Variants in ALPK2 observed in about 807,000 individuals in gnomAD.
ALPK2 encodes the protein alpha-protein kinase 2.
In ALPK2, 127 loss-of-function variants were observed where a neutral mutation model predicts 163.1. That is an observed-to-expected ratio of 0.78 (90% CI 0.67 to 0.90). ALPK2 has a LOEUF of 0.90. ALPK2 is among the 40% of genes least tolerant of loss of function. The pLI is 0.00. For synonymous variants in ALPK2, 953 were observed against 959.1 expected (o/e 0.99, Z 0.12); for missense variants, 2,360 against 2,589.6 (o/e 0.91, Z 1.92).
At chr18:58,502,231 C>T (rs1012751765) in intron 11 of ALPK2, among the ~76,000 whole-genome samples, 4 of 151,654 alleles carry the variant, frequency 2.6e-5, no homozygotes, top group South Asian at 2.1e-4. Flanking sequence ...GGCATACTCC[C>T]GTAGTCCCAG....
At chr18:58,538,393 G>T in intron 4 of ALPK2, 169 bp from the exon 5 acceptor site, 28 of 650,434 alleles carry the variant, frequency 4.3e-5, no homozygotes, top group Admixed American at 7.1e-5. Flanking sequence ...AGATTTCCTA[G>T]AAAACTGCAA....
Position 58,498,097 on chromosome 18 carries a change from C to A in ALPK2, c.6248G>T (p.Gly2083Val). ...SGCLLVTDMQGVGMKLTDVGI... is the reference protein window; with the variant it reads ...SGCLLVTDMQVVGMKLTDVGI... ...AACGTCAGTTAGCTTCATTCCTACA[C>A]CTACAGGAAGAGAAAGCAAAGATGG... Residue 2083 changes from glycine (G) to valine (V), a missense_variant and splice_region_variant, in exon 12 of 13, where the codon GGT becomes GTT. Gly to Val is a moderately radical substitution (Grantham distance 109). Transcript: ENST00000361673. 1 of 1,614,114 alleles carries A rather than the reference C, an allele frequency of 6.2e-7. No homozygotes were observed. The highest frequency in any genetic ancestry group is 1.7e-5 in the Admixed American group (1 of 60,020).
chr18:58,613,252 A>G (rs1048517101), intron 1 of ALPK2, among the ~76,000 whole-genome samples: 7 of 152,306 alleles, frequency 4.6e-5, no homozygotes, highest in African/African-American at 1.7e-4. Flanking sequence ...AAGGAACCTG[A>G]GTTCAGGGCC....
intron 1 of ALPK2, among the ~76,000 whole-genome samples, chr18:58,627,657 A>T (rs371704155): frequency 6.6e-6 from 1 of 152,122 alleles, no homozygotes; most frequent in Non-Finnish European, 1.5e-5. Flanking sequence ...AAACAAAACA[A>T]AAAAAGGACA....
In ALPK2 at chr18:58,534,848, T is replaced by G; in HGVS notation, c.5339A>C (p.Lys1780Thr). The change falls in exon 5 of 13, where the codon AAA becomes ACA. Residue 1780 changes from lysine (K) to threonine (T), a missense_variant. Lys to Thr is a moderately conservative substitution (Grantham distance 78). Transcript: ENST00000361673. ...EKQDPKKPSC[K>T]REGRAPVLLK... ...CAGAACCTCACCTCTTCCTTCTCTT[T>G]TGCAAGATGGCTTTTTTGGGTCTTG... The G allele has an allele frequency of 6.2e-7, 1 of 1,609,020 alleles. No individual in the cohort carries two copies. The highest frequency in any genetic ancestry group is 8.5e-7 in the Non-Finnish European group (1 of 1,178,206).
At position 58,579,000 on chromosome 18, in the gene ALPK2, A is replaced by G. The variant is rs1391442428; in HGVS notation, c.1776T>C (p.Gly592=). 1.9e-6 allele frequency: 3 copies of G among 1,614,178 alleles called. No individual in the cohort carries two copies. The Admixed American group carries it at 5.0e-5, about 27-fold the overall frequency. The change falls in exon 4 of 13, where the codon GGT becomes GGC. Residue 592 remains glycine, a synonymous_variant. Coordinates refer to ENST00000361673, the MANE Select transcript of ALPK2 (RefSeq NM_052947.4). The part of the protein sequence containing the change: ...ETSHTTAAAT[G]RSSHADAREC... Reference sequence around the variant, plus strand: ...CTCTTGCATCAGCATGGGAACTCCGACCAGTCGCTGCTGCTGTGGTGTGAG... The same window carrying G: ...CTCTTGCATCAGCATGGGAACTCCGGCCAGTCGCTGCTGCTGTGGTGTGAG...
At chr18:58,594,014 T>G (rs1353934732) in intron 3 of ALPK2, among the ~76,000 whole-genome samples, 5 of 151,632 alleles carry the variant, frequency 3.3e-5, no homozygotes, top group Non-Finnish European at 7.4e-5. Context: ...AGTTTTTTTT[T>G]TAAGGTTTCT....
rs149563245 is a variant in ALPK2, at chr18:58,576,410, G to C, written c.1962+2404C>G. On this transcript the variant is annotated intron_variant, in intron 4 of 12. Coordinates refer to ENST00000361673, the MANE Select transcript of ALPK2 (RefSeq NM_052947.4). ...AGGAAAAAGAGTGGGCAAATTTATT[G>C]CTATGACTACCAACCCAGGATTTTA... Among the ~76,000 whole-genome samples, 365 of 152,258 alleles carry C rather than the reference G, an allele frequency of 2.4e-3. 3 individuals are homozygous for C. The highest frequency in any genetic ancestry group is 8.4e-3 in the African/African-American group (348 of 41,552).
In ALPK2 at chr18:58,527,968, C is replaced by T. The variant is rs1004914661; in HGVS notation, c.5501+1123G>A. Among the ~76,000 whole-genome samples, 6 of 152,166 alleles carry T rather than the reference C, an allele frequency of 3.9e-5. No homozygotes were observed. In the East Asian group the frequency reaches 9.6e-4, roughly 24 times the overall value. ...CAGATTTTCTCACTTTTTCAGTCTACTGGTGACAAAATTAAGGGGATTGGA... is the reference window on the plus strand; with the variant it reads ...CAGATTTTCTCACTTTTTCAGTCTATTGGTGACAAAATTAAGGGGATTGGA... On this transcript the variant is annotated intron_variant, in intron 6 of 12. Transcript: ENST00000361673.
chr18:58,500,724 G>A, intron 11 of ALPK2, among the ~76,000 whole-genome samples: 1 of 150,900 alleles, frequency 6.6e-6, no homozygotes, highest in East Asian at 1.9e-4. Context: ...CAGGAGTTCA[G>A]ACCAGCCTGG....
Position 58,517,112 on chromosome 18 carries a change from G to T in ALPK2, c.5736C>A (p.Gly1912=). Reference sequence around the variant, plus strand: ...CCGTGGCGATCTGACCACGCAGGCGGCCCCCAAAGTAGCTGTCATGGAGGA... The same window carrying T: ...CCGTGGCGATCTGACCACGCAGGCGTCCCCCAAAGTAGCTGTCATGGAGGA... ...EDFLHDSYFG[G]RLRGQIATEE... The change falls in exon 9 of 13, where the codon GGC becomes GGA. Residue 1912 remains glycine (G), a synonymous_variant. Coordinates refer to ENST00000361673, the MANE Select transcript of ALPK2 (RefSeq NM_052947.4). The T allele has an allele frequency of 6.2e-7, 1 of 1,614,224 alleles. No individual in the cohort carries two copies. The highest frequency in any genetic ancestry group is 8.5e-7 in the Non-Finnish European group (1 of 1,180,034).
intron 10 of ALPK2, among the ~76,000 whole-genome samples, chr18:58,513,684 C>G (rs1316543569): frequency 6.6e-6 from 1 of 152,180 alleles, no homozygotes; most frequent in Non-Finnish European, 1.5e-5. Flanking sequence ...GTAGGCCAGC[C>G]TGGGCAACAT....
chr18:58,577,828 A>G (rs1045569570), intron 4 of ALPK2: 24 of 152,348 alleles, frequency 1.6e-4, no homozygotes, highest in African/African-American at 5.5e-4. Flanking sequence ...GTCACTTTGC[A>G]TTGGGAATAT....
At chr18:58,582,529 C>A (rs2051963785) in intron 3 of ALPK2, among the ~76,000 whole-genome samples, 1 of 148,458 alleles carries the variant, frequency 6.7e-6, no homozygotes, top group African/African-American at 2.5e-5. Context: ...AGAAAAATGT[C>A]TATTGCTGCA....
chr18:58,508,497 A>G (rs2051472718), intron 10 of ALPK2, among the ~76,000 whole-genome samples: 1 of 152,232 alleles, frequency 6.6e-6, no homozygotes. Flanking sequence ...CCTTGCTGAT[A>G]AAACAGCCTG....
chr18:58,561,185 A>T (rs757289733), intron 4 of ALPK2, among the ~76,000 whole-genome samples: 6 of 152,222 alleles, frequency 3.9e-5, no homozygotes, highest in Non-Finnish European at 8.8e-5. Flanking sequence ...GGGGAGATAA[A>T]GAAGTATACT....
At chr18:58,494,058 C>T (rs1020948334) in intron 12 of ALPK2, among the ~76,000 whole-genome samples, 7 of 152,148 alleles carry the variant, frequency 4.6e-5, no homozygotes, top group East Asian at 1.9e-4. Context: ...GTTTGCAGTT[C>T]GGCTCCACTG....
chr18:58,581,126 T>C (rs936777909), intron 3 of ALPK2, among the ~76,000 whole-genome samples: 1 of 152,192 alleles, frequency 6.6e-6, no homozygotes, highest in African/African-American at 2.4e-5. Flanking sequence ...TTTTATATTC[T>C]AATTTTTTCT....
intron 3 of ALPK2, among the ~76,000 whole-genome samples, chr18:58,604,209 G>C (rs541501932): frequency 6.6e-6 from 1 of 152,304 alleles, no homozygotes; most frequent in Non-Finnish European, 1.5e-5. Flanking sequence ...ATGATCCAAA[G>C]ATCAAATGCA....
Sources: allele counts gnomAD v4.1 joint callset (sites outside exome capture counted in the v4.1 genomes callset), GRCh38; gene constraint gnomAD v4.1.1; transcripts MANE v1.5; gene names NCBI Gene and HGNC (gene_info 2026-07-23, HGNC 2026-07-21).